Variants in SLC5A4 observed in about 807,000 individuals in gnomAD.
SLC5A4 encodes the protein probable glucose sensor protein SLC5A4.
Under a neutral mutation model 70.3 loss-of-function variants are expected in SLC5A4, and 55 were observed. The observed-to-expected ratio is 0.78, with a 90% confidence interval of 0.63 to 0.98. The LOEUF (loss-of-function observed/expected upper bound fraction) is 0.98, where lower values mean the gene tolerates loss of function less well. Ranked by LOEUF, SLC5A4 falls within the 50% of genes least tolerant of loss-of-function variation. The pLI, the probability that SLC5A4 is intolerant of heterozygous loss-of-function variation, is 0.00. For missense variants in SLC5A4, 735 were observed against 839.2 expected (o/e 0.88, Z 1.53); for synonymous variants, 268 against 305.7 (o/e 0.88, Z 1.29).
the SLC5A4 span, among the ~76,000 whole-genome samples, chr22:32,308,291 T>C: frequency 6.7e-6 from 1 of 148,672 alleles, no homozygotes. Flanking sequence ...TTTACAAGTC[T>C]GCACCTCCAG....
chr22:32,279,510 G>A, the SLC5A4 span, among the ~76,000 whole-genome samples: 1 of 152,016 alleles, frequency 6.6e-6, no homozygotes, highest in African/African-American at 2.4e-5. Context: ...TTAGTGTAGG[G>A]CCGGATGTGG....
chr22:32,318,923 T>C, the SLC5A4 span, among the ~76,000 whole-genome samples: 1 of 152,104 alleles, frequency 6.6e-6, no homozygotes, highest in African/African-American at 2.4e-5. Context: ...TGATATTTGG[T>C]GGGATATTTT....
chr22:32,220,885 T>G (rs1925034856), intron 14 of SLC5A4, 35 bp downstream of exon 14: 1 of 1,309,880 alleles, frequency 7.6e-7, no homozygotes, highest in African/African-American at 1.4e-5. Context: ...TGCACAGAGT[T>G]CCTACATGAA....
At chr22:32,273,931 C>A in the SLC5A4 span, among the ~76,000 whole-genome samples, 1 of 152,078 alleles carries the variant, frequency 6.6e-6, no homozygotes, top group Non-Finnish European at 1.5e-5. Flanking sequence ...TGGTAGAAGG[C>A]CCAGGGATAT....
At chr22:32,300,508 C>T in the SLC5A4 span, among the ~76,000 whole-genome samples, 128 of 152,058 alleles carry the variant, frequency 8.4e-4, 1 homozygote, top group East Asian at 0.024. Flanking sequence ...ATGCCTCGCC[C>T]TGCTTCGGCT....
intron 12 of SLC5A4, among the ~76,000 whole-genome samples, chr22:32,224,789 A>C (rs914041041): frequency 6.6e-6 from 1 of 152,212 alleles, no homozygotes; most frequent in African/African-American, 2.4e-5. Context: ...AGATCAAAAC[A>C]CTTGTGATTT....
the SLC5A4 span, among the ~76,000 whole-genome samples, chr22:32,305,336 C>T: frequency 7.7e-6 from 1 of 130,460 alleles, no homozygotes; most frequent in Non-Finnish European, 1.6e-5. Flanking sequence ...TCTCCTAATC[C>T]TTGTGCCTCT....
In SLC5A4 at chr22:32,251,857, A is replaced by G; in HGVS notation, c.225T>C (p.Phe75=). 1.2e-6 allele frequency: 2 copies of G among 1,613,772 alleles called. No individual in the cohort carries two copies. Among genetic ancestry groups the G allele is most frequent in the Non-Finnish European group, 1.7e-6 (2 of 1,179,660 alleles). ...AGTGGTTGCTGCCGATGTTACTGGC[A>G]AAGAGAGAGGCGCCCATCTGGAATG... ...MAWWPMGASL[F]ASNIGSNHYV... is the part of the protein sequence containing the mutation. Residue 75 remains phenylalanine, a synonymous_variant, in exon 3 of 15, where the codon TTT becomes TTC. Transcript: ENST00000266086.
At chr22:32,231,757 T>C (rs529529522) in intron 9 of SLC5A4, among the ~76,000 whole-genome samples, 20 of 152,332 alleles carry the variant, frequency 1.3e-4, no homozygotes, top group African/African-American at 4.6e-4. Flanking sequence ...GCAAGTTTCT[T>C]TTTACATTTA....
the SLC5A4 span, chr22:32,354,761 C>T: frequency 6.6e-6 from 1 of 151,740 alleles, no homozygotes; most frequent in Non-Finnish European, 1.5e-5. Flanking sequence ...CAGTAACGCC[C>T]TGGATAGGGC....
chr22:32,307,932 T>G, the SLC5A4 span, among the ~76,000 whole-genome samples: 1 of 131,252 alleles, frequency 7.6e-6, no homozygotes, highest in Non-Finnish European at 1.7e-5. Flanking sequence ...CAGGGATTCT[T>G]ACATGTTTCC....
chr22:32,254,093 T>A (rs1187460634), intron 2 of SLC5A4, 49 bp downstream of exon 2: 38 of 1,446,722 alleles, frequency 2.6e-5, no homozygotes, highest in Non-Finnish European at 3.7e-5. Context: ...CATTCAGTTT[T>A]AAGCACACAC....
At chr22:32,281,389 C>T in the SLC5A4 span, among the ~76,000 whole-genome samples, 12 of 152,200 alleles carry the variant, frequency 7.9e-5, no homozygotes. Context: ...GGAGCCAAAG[C>T]ATGTGCCACT....
At chr22:32,271,315 T>C in the SLC5A4 span, 1 of 742,154 alleles carries the variant, frequency 1.3e-6, no homozygotes, top group Non-Finnish European at 2.4e-6. Flanking sequence ...GGAGGCCATG[T>C]GCCAGGAGGA....
At chr22:32,311,960 C>T in the SLC5A4 span, among the ~76,000 whole-genome samples, 2 of 152,074 alleles carry the variant, frequency 1.3e-5, no homozygotes, top group Admixed American at 6.5e-5. Context: ...TCCTCCTGGC[C>T]ATGTGGCGCC....
At chr22:32,218,849 T>A in intron 14 of SLC5A4, 124 bp from the exon 15 acceptor site, 1 of 654,528 alleles carries the variant, frequency 1.5e-6, no homozygotes, top group African/African-American at 1.8e-5. Flanking sequence ...TTAAGAGGAA[T>A]CCCTGAGAAA....
intron 13 of SLC5A4, among the ~76,000 whole-genome samples, chr22:32,221,327 C>T (rs1195821380): frequency 1.3e-5 from 2 of 152,260 alleles, no homozygotes; most frequent in African/African-American, 2.4e-5. Flanking sequence ...ACACTATACC[C>T]CAGCTTCACT....
the SLC5A4 span, among the ~76,000 whole-genome samples, chr22:32,336,160 T>G: frequency 8.9e-6 from 1 of 112,426 alleles, no homozygotes; most frequent in Admixed American, 7.9e-5. Flanking sequence ...ACTAAATTGG[T>G]TTTTGGGAAC....
At chr22:32,232,406 G>T (rs1417108408) in intron 9 of SLC5A4, among the ~76,000 whole-genome samples, 1 of 152,136 alleles carries the variant, frequency 6.6e-6, no homozygotes, top group Non-Finnish European at 1.5e-5. Context: ...TTTTAAGGAA[G>T]ATTTTTAACA....
Sources: gnomAD v4.1 joint callset for allele counts (sites outside exome capture counted in the v4.1 genomes callset) on GRCh38, gnomAD v4.1.1 for gene constraint, MANE v1.5 for transcripts, NCBI Gene and HGNC (gene_info 2026-07-23, HGNC 2026-07-21) for gene names.